CRBN: variants seen among roughly 807,000 people sequenced by gnomAD.
CRBN encodes protein cereblon.
Under a neutral mutation model 62.2 loss-of-function variants are expected in CRBN, and 53 were observed. The observed-to-expected ratio is 0.85, with a 90% CI of 0.68 to 1.07. The LOEUF (loss-of-function observed/expected upper bound fraction) is 1.07, where lower values mean the gene tolerates loss of function less well. Ranked by LOEUF, CRBN falls within the 50% of genes least tolerant of loss-of-function variation. The pLI, the probability that CRBN is intolerant of heterozygous loss-of-function variation, is 0.00. For missense variants in CRBN, 616 were observed against 531.1 expected (o/e 1.16, Z -1.57); for synonymous variants, 208 against 176.1 (o/e 1.18, Z -1.43).
chr3:3,167,635 T>G lies in CRBN; in HGVS notation c.686A>C (p.Lys229Thr). 6.2e-7 allele frequency: 1 copy of G among 1,612,818 alleles called. No homozygotes were observed. The highest frequency in any genetic ancestry group is 8.5e-7 in the Non-Finnish European group (1 of 1,179,176). The change falls in exon 5 of 11, where the codon AAG becomes ACG. Residue 229 changes from lysine (K) to threonine (T), a missense_variant and splice_region_variant. Physicochemically the swap from Lys to Thr is moderately conservative, Grantham distance 78 (BLOSUM62 -1). Transcript: ENST00000231948. ...CSYKWWQKYQKRKFHCANLTS... is the reference protein window; with the variant it reads ...CSYKWWQKYQTRKFHCANLTS... ...ATGCATAAAAAATTAGTTTCTCACC[T>G]TCTGGTATTTCTGCCACCATTTATA... is the stretch of plus-strand genomic sequence containing the variant.
intron 1 of CRBN, 113 bp downstream of exon 1, chr3:3,179,508 G>T (rs1559261101): frequency 1.9e-6 from 2 of 1,026,400 alleles, no homozygotes; most frequent in Non-Finnish European, 3.0e-6. Flanking sequence ...GCCCTGCTGG[G>T]CTGGCTCGCC....
chr3:3,167,733 T>C lies in CRBN; in HGVS notation c.588A>G (p.Ala196=), dbSNP rs771442832. Reference sequence around the variant, plus strand: ...ACTTATTGAGGGATTCTAATTGAACTGCAGACATGGTTGAAGGCAACACAC... The same window carrying C: ...ACTTATTGAGGGATTCTAATTGAACCGCAGACATGGTTGAAGGCAACACAC... ...PECVLPSTMS[A]VQLESLNKCQ... is the part of the protein sequence containing the mutation. Residue 196 remains alanine, a synonymous_variant, in exon 5 of 11, where the codon GCA becomes GCG. Coordinates refer to ENST00000231948, the MANE Select transcript of CRBN (RefSeq NM_016302.4). 1.9e-6 allele frequency: 3 copies of C among 1,613,590 alleles called. No homozygotes were observed. The highest frequency in any genetic ancestry group is 2.5e-6 in the Non-Finnish European group (3 of 1,179,682).
intron 5 of CRBN, among the ~76,000 whole-genome samples, chr3:3,159,175 C>G (rs1707033374): frequency 6.6e-6 from 1 of 152,120 alleles, no homozygotes; most frequent in African/African-American, 2.4e-5. Flanking sequence ...GTCTTAGCAG[C>G]GTGAGACCAG....
chr3:3,157,965 C>T (rs1706974776), intron 5 of CRBN, among the ~76,000 whole-genome samples: 1 of 152,170 alleles, frequency 6.6e-6, no homozygotes, highest in African/African-American at 2.4e-5. Flanking sequence ...TGGAAGAGGA[C>T]AGACTTGTTC....
Position 3,156,227 on chromosome 3 carries a change from A to C in CRBN, c.742T>G (p.Tyr248Asp). ...TSWPRWLYSL[Y>D]DAETLMDRIK... ...TAAGGTAAGTTACTTACAGCATCATATAAGGAATACAGCCAGCGAGGCCAT... is the reference window on the plus strand; with the variant it reads ...TAAGGTAAGTTACTTACAGCATCATCTAAGGAATACAGCCAGCGAGGCCAT... The change falls in exon 6 of 11, where the codon TAT becomes GAT. Residue 248 changes from tyrosine (Y) to aspartate (D), a missense_variant. Transcript: ENST00000231948. 3.1e-6 allele frequency: 5 copies of C among 1,613,570 alleles called. No individual in the cohort carries two copies. The highest frequency in any genetic ancestry group is 4.2e-6 in the Non-Finnish European group (5 of 1,179,516).
At chr3:3,166,577 A>G (rs1241863486) in intron 5 of CRBN, among the ~76,000 whole-genome samples, 8 of 152,168 alleles carry the variant, frequency 5.3e-5, no homozygotes, top group Admixed American at 4.6e-4. Flanking sequence ...CAGTCTAATT[A>G]TATCTTCCTT....
intron 5 of CRBN, among the ~76,000 whole-genome samples, chr3:3,162,724 C>T (rs111488048): frequency 1.1e-4 from 16 of 152,164 alleles, no homozygotes; most frequent in Admixed American, 1.3e-4. Context: ...AGGAAAAGTG[C>T]GCGGCAACCT....
At chr3:3,179,498 G>A (rs1259668496) in intron 1 of CRBN, 123 bp downstream of exon 1, 1 of 894,494 alleles carries the variant, frequency 1.1e-6, no homozygotes, top group Non-Finnish European at 1.8e-6. Context: ...TTCCGGTGCG[G>A]CCCTGCTGGG....
chr3:3,163,909 C>T (rs773964475), intron 5 of CRBN, among the ~76,000 whole-genome samples: 3 of 152,182 alleles, frequency 2.0e-5, no homozygotes, highest in Non-Finnish European at 4.4e-5. Context: ...TGCTAACTAC[C>T]TGCCTGTGCC....
chr3:3,159,693 A>C (rs1239650699), intron 5 of CRBN, among the ~76,000 whole-genome samples: 2 of 152,156 alleles, frequency 1.3e-5, no homozygotes, highest in Non-Finnish European at 2.9e-5. Flanking sequence ...AATATGCATA[A>C]TACATCCTTA....
At chr3:3,169,948 C>G (rs1407587994) in intron 4 of CRBN, among the ~76,000 whole-genome samples, 1 of 152,128 alleles carries the variant, frequency 6.6e-6, no homozygotes, top group Non-Finnish European at 1.5e-5. Flanking sequence ...TCCGCCCTCC[C>G]CAACCCACAC....
At chr3:3,163,747 C>T (rs551699449) in intron 5 of CRBN, among the ~76,000 whole-genome samples, 86 of 152,078 alleles carry the variant, frequency 5.7e-4, no homozygotes, top group Middle Eastern at 3.4e-3. Context: ...CATCTTGGTG[C>T]GGAAGAACTA....
intron 5 of CRBN, among the ~76,000 whole-genome samples, chr3:3,159,214 C>T (rs767681324): frequency 4.6e-5 from 7 of 152,082 alleles, no homozygotes; most frequent in African/African-American, 7.2e-5. Flanking sequence ...ATGTGTCAGG[C>T]TATTTTTATA....
At position 3,174,046 on chromosome 3, in the gene CRBN, T is replaced by A. The variant is rs115124101; in HGVS notation, c.377+13A>T. ...GAGGGAATGTATTAAGCAAATGGAC[T>A]CTAATATTTTACCTGTATGCAAGAA... On this transcript the variant is annotated intron_variant, in intron 3 of 10. Transcript: ENST00000231948. The A allele has an allele frequency of 1.2e-6, 2 of 1,607,000 alleles. No homozygotes were observed. The highest frequency in any genetic ancestry group is 2.2e-5 in the East Asian group (1 of 44,840).
chr3:3,170,479 T>G (rs572258449), intron 4 of CRBN, among the ~76,000 whole-genome samples: 2 of 152,306 alleles, frequency 1.3e-5, no homozygotes, highest in East Asian at 3.9e-4. Flanking sequence ...GAGTACCAGT[T>G]TGGAAGTCAT....
chr3:3,170,290 T>C (rs1180613593), intron 4 of CRBN, among the ~76,000 whole-genome samples: 1 of 152,250 alleles, frequency 6.6e-6, no homozygotes, highest in Non-Finnish European at 1.5e-5. Context: ...CTCTGTAGTG[T>C]ACTTTTAATA....
chr3:3,167,462 C>T, intron 5 of CRBN, 172 bp downstream of exon 5: 1 of 616,836 alleles, frequency 1.6e-6, no homozygotes, highest in Non-Finnish European at 2.8e-6. Context: ...TTGTAAACTG[C>T]TTTTACATAA....
Position 3,167,529 on chromosome 3 carries a change from A to C in CRBN, c.687+105T>G, listed in dbSNP as rs560416374. 9.6e-5 allele frequency: 105 copies of C among 1,098,756 alleles called. 1 individual carries two copies. In the South Asian group the frequency reaches 1.2e-3, roughly 13 times the overall value. The allele number at this position is 1,098,756 out of a possible 1,614,324, so 68.1% of individuals were successfully genotyped here. A position where few individuals can be genotyped will look rare whatever the true frequency, so the allele number is the denominator to read the frequency against. ...AATGTAGCTGGAATATTGCCATACAAGGTGGCTGGGTAATGAATCATGAAA... is the reference window on the plus strand; with the variant it reads ...AATGTAGCTGGAATATTGCCATACACGGTGGCTGGGTAATGAATCATGAAA... On this transcript the variant is annotated intron_variant, in intron 5 of 10. Coordinates refer to ENST00000231948, the MANE Select transcript of CRBN (RefSeq NM_016302.4).
At chr3:3,177,350 T>C (rs1387939063) in intron 1 of CRBN, among the ~76,000 whole-genome samples, 1 of 152,238 alleles carries the variant, frequency 6.6e-6, no homozygotes, top group Non-Finnish European at 1.5e-5. Flanking sequence ...TGATTTTCAA[T>C]ATGGTAACTG....
Sources: gnomAD v4.1 joint callset for allele counts (sites outside exome capture counted in the v4.1 genomes callset) on GRCh38, gnomAD v4.1.1 for gene constraint, MANE v1.5 for transcripts, NCBI Gene and HGNC (gene_info 2026-07-23, HGNC 2026-07-21) for gene names.